PRKG1: variants seen among roughly 807,000 people sequenced by gnomAD.
PRKG1 encodes cGMP-dependent protein kinase 1.
In PRKG1, 35 loss-of-function variants were observed where a neutral mutation model predicts 88.1. The ratio of observed to expected loss-of-function variants is 0.40; its 90% CI spans 0.30 to 0.53. The LOEUF (loss-of-function observed/expected upper bound fraction) is 0.53, where lower values mean the gene tolerates loss of function less well. Ranked by LOEUF, PRKG1 falls within the 20% of genes least tolerant of loss-of-function variation. The probability of loss-of-function intolerance (pLI) is 0.59; values close to 1 mark genes in which losing one functional copy is unlikely to be tolerated. For synonymous variants in PRKG1, 303 were observed against 292.5 expected (o/e 1.04, Z -0.37); for missense variants, 540 against 839.8 (o/e 0.64, Z 4.41).
At position 52,293,958 on chromosome 10, in the gene PRKG1, GC is replaced by G; in HGVS notation, c.*60del. 7.0e-7 allele frequency: 1 copy of G among 1,420,010 alleles called. No individual in the cohort carries two copies. The highest frequency in any genetic ancestry group is 9.9e-7 in the Non-Finnish European group (1 of 1,010,190). 88.0% of individuals were successfully genotyped at this position (1,420,010 alleles called of 1,614,324 possible). A position where few individuals can be genotyped will look rare whatever the true frequency, so the allele number is the denominator to read the frequency against. On this transcript the variant is annotated 3_prime_UTR_variant, in exon 18 of 18. Coordinates refer to ENST00000373980, the MANE Select transcript of PRKG1 (RefSeq NM_006258.4). Reference sequence around the variant, plus strand: ...AGACAGCTTTTTCTGAGACACAGCTGCCAGCAAACCTGAGGGAAAGAGAGAA... The same window carrying G: ...AGACAGCTTTTTCTGAGACACAGCTGCAGCAAACCTGAGGGAAAGAGAGAA...
intron 2 of PRKG1, among the ~76,000 whole-genome samples, chr10:51,271,005 A>G (rs1351456635): frequency 6.6e-6 from 1 of 152,184 alleles, no homozygotes; most frequent in African/African-American, 2.4e-5. Context: ...CTCCTTCTTA[A>G]CCTAATTGTT....
At chr10:51,665,186 T>C (rs1017107022) in intron 3 of PRKG1, among the ~76,000 whole-genome samples, 7 of 152,126 alleles carry the variant, frequency 4.6e-5, no homozygotes, top group Non-Finnish European at 1.0e-4. Flanking sequence ...ATTAGATGAG[T>C]TAAGCAAATA....
intron 7 of PRKG1, among the ~76,000 whole-genome samples, chr10:52,118,978 C>T (rs930445072): frequency 2.6e-5 from 4 of 152,044 alleles, no homozygotes; most frequent in African/African-American, 9.7e-5. Context: ...GTTTTATACA[C>T]ATTTATTACA....
chr10:51,769,734 A>T (rs555801236), intron 3 of PRKG1, among the ~76,000 whole-genome samples: 7 of 152,214 alleles, frequency 4.6e-5, no homozygotes, highest in Non-Finnish European at 1.0e-4. Flanking sequence ...TGGGGAAATA[A>T]AAAAGAGATT....
chr10:52,059,756 AAGAAGTAAATTTTACTATATGAT>A (rs1411762041), intron 6 of PRKG1, among the ~76,000 whole-genome samples: 9 of 151,880 alleles, frequency 5.9e-5, no homozygotes, highest in Admixed American at 4.6e-4. Flanking sequence ...TATTCCAAAA[AAGAAGTAAATTTTACTATATGAT>A]AGAAGTAAAT....
At chr10:51,639,562 G>A (rs1430143846) in intron 3 of PRKG1, among the ~76,000 whole-genome samples, 1 of 148,486 alleles carries the variant, frequency 6.7e-6, no homozygotes, top group Non-Finnish European at 1.5e-5. Context: ...GAGCTTCCTG[G>A]AAGCCAAATT....
chr10:51,684,133 G>A lies in PRKG1; in HGVS notation c.593-120452G>A, dbSNP rs118146425. Among the ~76,000 whole-genome samples the A allele has an allele frequency of 9.9e-5, 15 of 152,212 alleles. No homozygotes were observed. In the East Asian group the frequency reaches 2.9e-3, roughly 29 times the overall value. Reference sequence around the variant, plus strand: ...ACAACACAAATATCCATCAACTGGTGAATGAATAAATAAAATGTGGTATAT... The same window carrying A: ...ACAACACAAATATCCATCAACTGGTAAATGAATAAATAAAATGTGGTATAT... On this transcript the variant is annotated intron_variant, in intron 3 of 17. Coordinates refer to ENST00000373980, the MANE Select transcript of PRKG1 (RefSeq NM_006258.4).
chr10:51,878,294 A>T (rs1006046105), intron 4 of PRKG1, among the ~76,000 whole-genome samples: 1 of 151,928 alleles, frequency 6.6e-6, no homozygotes, highest in Non-Finnish European at 1.5e-5. Context: ...TTAAAGTATG[A>T]ACACTTTATT....
At chr10:51,003,746 A>T (rs2132717344) in intron 1 of PRKG1, among the ~76,000 whole-genome samples, 1 of 152,288 alleles carries the variant, frequency 6.6e-6, no homozygotes, top group East Asian at 1.9e-4. Context: ...TGTTTCCGTA[A>T]ATCTTTATAT....
intron 2 of PRKG1, among the ~76,000 whole-genome samples, chr10:51,242,227 A>C (rs572254255): frequency 9.7e-4 from 147 of 152,270 alleles, no homozygotes; most frequent in African/African-American, 3.3e-3. Flanking sequence ...AGCCTGTAGA[A>C]TGTGTCAAAG....
chr10:51,594,463 T>G (rs745869479), intron 3 of PRKG1, among the ~76,000 whole-genome samples: 1 of 152,226 alleles, frequency 6.6e-6, no homozygotes, highest in Non-Finnish European at 1.5e-5. Flanking sequence ...AATGTTATAT[T>G]CAATATGTTG....
intron 3 of PRKG1, among the ~76,000 whole-genome samples, chr10:51,500,732 C>T (rs766308149): frequency 1.3e-5 from 2 of 152,270 alleles, no homozygotes; most frequent in East Asian, 1.9e-4. Flanking sequence ...TTTACATTGG[C>T]TCACTTCATG....
intron 2 of PRKG1, among the ~76,000 whole-genome samples, chr10:51,286,286 A>G (rs1195034451): frequency 6.6e-6 from 1 of 152,170 alleles, no homozygotes; most frequent in African/African-American, 2.4e-5. Flanking sequence ...GGAATCTTTC[A>G]AAGGCATCCT....
At chr10:51,187,184 G>A (rs1837514682) in intron 2 of PRKG1, among the ~76,000 whole-genome samples, 1 of 151,440 alleles carries the variant, frequency 6.6e-6, no homozygotes, top group African/African-American at 2.4e-5. Flanking sequence ...AAATCATATA[G>A]AATATGATTC....
chr10:51,631,886 C>T (rs1477266027), intron 3 of PRKG1, among the ~76,000 whole-genome samples: 1 of 152,146 alleles, frequency 6.6e-6, no homozygotes, highest in African/African-American at 2.4e-5. Flanking sequence ...TAACCAGTAC[C>T]TCTCCATGGC....
intron 4 of PRKG1, among the ~76,000 whole-genome samples, chr10:51,868,670 C>T (rs1046705136): frequency 3.9e-5 from 6 of 152,010 alleles, no homozygotes; most frequent in African/African-American, 1.4e-4. Context: ...TGCCAACATA[C>T]TTAGAGAACA....
chr10:52,054,457 T>G, intron 5 of PRKG1, 27 bp from the exon 6 acceptor site: 1 of 1,581,348 alleles, frequency 6.3e-7, no homozygotes, highest in Non-Finnish European at 8.7e-7. Flanking sequence ...TTGCTTAATT[T>G]TTTTTCTTAT....
chr10:52,251,071 A>C (rs1841158016), intron 9 of PRKG1, among the ~76,000 whole-genome samples: 1 of 152,102 alleles, frequency 6.6e-6, no homozygotes, highest in African/African-American at 2.4e-5. Context: ...CCTGGCTGTG[A>C]TTTCGCTCCA....
chr10:51,305,892 A>G (rs1841023662), intron 2 of PRKG1, among the ~76,000 whole-genome samples: 1 of 152,168 alleles, frequency 6.6e-6, no homozygotes, highest in Admixed American at 6.5e-5. Flanking sequence ...ACTATCACAC[A>G]CCACAGAGGA....
Sources: allele counts gnomAD v4.1 joint callset (sites outside exome capture counted in the v4.1 genomes callset), GRCh38; gene constraint gnomAD v4.1.1; transcripts MANE v1.5; gene names NCBI Gene and HGNC (gene_info 2026-07-23, HGNC 2026-07-21).